MYO5A: variants seen among roughly 807,000 people sequenced by gnomAD.
MYO5A encodes the protein unconventional myosin-Va.
MYO5A carries 98 observed loss-of-function variants against 249.7 expected under a neutral mutation model. The ratio of observed to expected loss-of-function variants is 0.39; its 90% CI spans 0.33 to 0.46. The LOEUF is 0.46. Ranked by LOEUF, MYO5A falls within the 20% of genes least tolerant of loss-of-function variation. The pLI, the probability that MYO5A is intolerant of heterozygous loss-of-function variation, is 0.98. For synonymous variants in MYO5A, 778 were observed against 810.6 expected (o/e 0.96, Z 0.68); for missense variants, 1,696 against 2,308.8 (o/e 0.73, Z 5.44).
At chr15:52,460,019 C>T (rs993478321) in intron 1 of MYO5A, among the ~76,000 whole-genome samples, 1 of 151,156 alleles carries the variant, frequency 6.6e-6, no homozygotes, top group Non-Finnish European at 1.5e-5. Context: ...GGGTCGCGGC[C>T]GGGCAGAGGC....
intron 1 of MYO5A, among the ~76,000 whole-genome samples, chr15:52,503,532 G>C (rs1305574874): frequency 6.6e-6 from 1 of 152,148 alleles, no homozygotes; most frequent in African/African-American, 2.4e-5. Flanking sequence ...TACTCAGGAG[G>C]CTGAAGTGGG....
At chr15:52,495,964 G>T (rs1189269929) in intron 1 of MYO5A, among the ~76,000 whole-genome samples, 1 of 151,962 alleles carries the variant, frequency 6.6e-6, no homozygotes, top group Admixed American at 6.6e-5. Context: ...GATAGCATTA[G>T]GAGAAAAACC....
chr15:52,443,768 C>T (rs1414173289), intron 1 of MYO5A, among the ~76,000 whole-genome samples: 1 of 151,398 alleles, frequency 6.6e-6, no homozygotes, highest in Non-Finnish European at 1.5e-5. Flanking sequence ...ATTGTCTGAG[C>T]TCAGGAGTTC....
intron 1 of MYO5A, among the ~76,000 whole-genome samples, chr15:52,469,955 G>A (rs974793193): frequency 5.9e-5 from 9 of 152,102 alleles, no homozygotes; most frequent in Admixed American, 4.6e-4. Flanking sequence ...CACCCTTTTT[G>A]CCACATCCAT....
intron 14 of MYO5A, 102 bp from the exon 15 acceptor site, chr15:52,384,424 T>C: frequency 2.5e-6 from 3 of 1,192,000 alleles, no homozygotes; most frequent in Non-Finnish European, 3.7e-6. Flanking sequence ...AAGTAATCAC[T>C]GTCAGAGTCA....
At chr15:52,389,481 A>C in intron 12 of MYO5A, 118 bp from the exon 13 acceptor site, 2 of 994,740 alleles carry the variant, frequency 2.0e-6, no homozygotes, top group Non-Finnish European at 2.9e-6. Context: ...TAACTTTTAC[A>C]ATTCAATTTA....
At chr15:52,389,138 T>G in intron 13 of MYO5A, 100 bp downstream of exon 13, 1 of 1,293,102 alleles carries the variant, frequency 7.7e-7, no homozygotes, top group South Asian at 1.3e-5. Flanking sequence ...CCCTAAAGAA[T>G]GCAAACATCA....
At chr15:52,402,971 C>T (rs2141207584) in intron 9 of MYO5A, among the ~76,000 whole-genome samples, 1 of 152,324 alleles carries the variant, frequency 6.6e-6, no homozygotes, top group African/African-American at 2.4e-5. Context: ...AGTTGACAAG[C>T]ACCGGTTAGA....
intron 9 of MYO5A, among the ~76,000 whole-genome samples, chr15:52,398,737 C>T (rs2042598072): frequency 6.6e-6 from 1 of 152,180 alleles, no homozygotes; most frequent in South Asian, 2.1e-4. Flanking sequence ...GCCTGTAATC[C>T]CAGCACTTCG....
intron 1 of MYO5A, among the ~76,000 whole-genome samples, chr15:52,442,583 T>G (rs2075804893): frequency 6.6e-6 from 1 of 152,090 alleles, no homozygotes; most frequent in Non-Finnish European, 1.5e-5. Context: ...CCCAGGTATT[T>G]TACATGTATA....
chr15:52,471,620 CCCCAA>C (rs2076473826), intron 1 of MYO5A, among the ~76,000 whole-genome samples: 1 of 148,272 alleles, frequency 6.7e-6, no homozygotes, highest in African/African-American at 2.5e-5. Context: ...CACACACACA[CCCCAA>C]ACAAAAAAAC....
At chr15:52,488,655 T>C (rs117770582) in intron 1 of MYO5A, among the ~76,000 whole-genome samples, 2,805 of 152,278 alleles carry the variant, frequency 0.018, 34 homozygotes, top group Non-Finnish European at 0.028. Context: ...TGGTTGTGAT[T>C]TGCCTTAAAA....
In MYO5A at chr15:52,396,175, C is replaced by T; in HGVS notation, c.1401+141G>A. On this transcript the variant is annotated intron_variant, in intron 11 of 41. Coordinates refer to ENST00000399233, the MANE Select transcript of MYO5A (RefSeq NM_001382347.1). The stretch of plus-strand genomic sequence containing the variant: ...CATAAAACATTTTTCTAATGTTGTA[C>T]CATTCATTAATCGTCAGTTCTAAGT... 6.3e-6 allele frequency: 4 copies of T among 635,482 alleles called. No individual in the cohort carries two copies. The South Asian group carries it at 7.7e-5, about 12-fold the overall frequency. 39.4% of individuals were successfully genotyped at this position (635,482 alleles called of 1,614,324 possible).
chr15:52,359,887 G>T, intron 25 of MYO5A, 81 bp downstream of exon 25: 1 of 966,918 alleles, frequency 1.0e-6, no homozygotes, highest in Non-Finnish European at 1.6e-6. Context: ...GCCAATTGGA[G>T]TCTGCTTTGC....
At chr15:52,465,111 A>C (rs2076327278) in intron 1 of MYO5A, among the ~76,000 whole-genome samples, 1 of 152,188 alleles carries the variant, frequency 6.6e-6, no homozygotes, top group Admixed American at 6.5e-5. Context: ...CAGCCTTGGT[A>C]GTAAGGTCAG....
chr15:52,409,933 G>C (rs1724626), intron 6 of MYO5A, among the ~76,000 whole-genome samples: 48,579 of 151,834 alleles, frequency 0.32, 9,969 homozygotes, highest in East Asian at 0.67. Context: ...TATTCTGAAA[G>C]AGGAGAAGAA....
chr15:52,403,967 T>A (rs1197682681), intron 9 of MYO5A, among the ~76,000 whole-genome samples: 3 of 152,080 alleles, frequency 2.0e-5, no homozygotes, highest in African/African-American at 7.2e-5. Flanking sequence ...GACTAATAAA[T>A]AAGTTACAGG....
chr15:52,448,284 G>A (rs1378245006), intron 1 of MYO5A, among the ~76,000 whole-genome samples: 1 of 152,184 alleles, frequency 6.6e-6, no homozygotes, highest in East Asian at 1.9e-4. Context: ...TGACTGTCCT[G>A]CTGGGATTTA....
intron 37 of MYO5A, among the ~76,000 whole-genome samples, chr15:52,322,620 C>T (rs977203014): frequency 6.6e-6 from 1 of 152,212 alleles, no homozygotes; most frequent in African/African-American, 2.4e-5. Context: ...CTGACACATA[C>T]TAAAGCAGCC....
Sources: gnomAD v4.1 joint callset for allele counts (sites outside exome capture counted in the v4.1 genomes callset) on GRCh38, gnomAD v4.1.1 for gene constraint, MANE v1.5 for transcripts, NCBI Gene and HGNC (gene_info 2026-07-23, HGNC 2026-07-21) for gene names.